Variants in ADCY1 observed in about 807,000 individuals in gnomAD.
The protein encoded by ADCY1 is adenylate cyclase 1.
ADCY1 carries 28 observed loss-of-function variants against 105.4 expected under a neutral mutation model. The ratio of observed to expected loss-of-function variants is 0.27; its 90% CI spans 0.20 to 0.36. The LOEUF is 0.36. Among genes scored for constraint, ADCY1 ranks in the 10% least tolerant of loss-of-function variants. The pLI is 1.00. For synonymous variants in ADCY1, 655 were observed against 623.8 expected, an observed-to-expected ratio of 1.05 and a Z score of -0.75; for missense variants, 977 against 1,434.2, an observed-to-expected ratio of 0.68 and a Z score of 5.15.
chr7:45,683,210 A>T (rs1039408240), intron 11 of ADCY1, among the ~76,000 whole-genome samples: 2 of 151,986 alleles, frequency 1.3e-5, no homozygotes, highest in Non-Finnish European at 1.5e-5. Flanking sequence ...TTTTTCACCC[A>T]CTTGGAGAGG....
chr7:45,692,527 G>A (rs936368726), intron 14 of ADCY1, among the ~76,000 whole-genome samples: 4 of 152,226 alleles, frequency 2.6e-5, no homozygotes, highest in African/African-American at 9.6e-5. Flanking sequence ...AGGCTTAAAG[G>A]ATGAGTAGGA....
intron 4 of ADCY1, among the ~76,000 whole-genome samples, chr7:45,644,114 G>A (rs765211735): frequency 8.5e-5 from 13 of 152,098 alleles, no homozygotes; most frequent in East Asian, 3.9e-4. Context: ...AGTCACTTTC[G>A]GGCAAAAACT....
At chr7:45,622,278 C>T (rs1188210502) in intron 3 of ADCY1, among the ~76,000 whole-genome samples, 3 of 152,068 alleles carry the variant, frequency 2.0e-5, no homozygotes, top group African/African-American at 7.2e-5. Context: ...TGCTCGGTGC[C>T]GCTGGCCACA....
At chr7:45,642,087 T>A (rs1333273603) in intron 4 of ADCY1, among the ~76,000 whole-genome samples, 1 of 152,096 alleles carries the variant, frequency 6.6e-6, no homozygotes, top group African/African-American at 2.4e-5. Context: ...GGAAGTTTAT[T>A]ACTCACAGCC....
chr7:45,632,124 A>T (rs1358600456), intron 4 of ADCY1, among the ~76,000 whole-genome samples: 1 of 152,196 alleles, frequency 6.6e-6, no homozygotes, highest in African/African-American at 2.4e-5. Flanking sequence ...TCACTTGTCC[A>T]TATGTAGTTG....
chr7:45,599,988 A>G (rs1169045166), intron 2 of ADCY1, among the ~76,000 whole-genome samples: 2 of 152,040 alleles, frequency 1.3e-5, no homozygotes, highest in South Asian at 2.1e-4. Flanking sequence ...GGTGGTGGCC[A>G]ACATGTGGCT....
rs778067978 is a variant in ADCY1 at position 45,622,616 on chromosome 7, C to T, written c.909-16C>T. 3 of 1,597,212 alleles carry T rather than the reference C, an allele frequency of 1.9e-6. No homozygotes were observed. Among genetic ancestry groups the T allele is most frequent in the Admixed American group, 1.7e-5 (1 of 59,984 alleles). Reference sequence around the variant, plus strand: ...TGACTGGGAGAAGGGCAGCCTGGCACCCCTTTCTCTTGCAGCATCCTGTTT... The same window carrying T: ...TGACTGGGAGAAGGGCAGCCTGGCATCCCTTTCTCTTGCAGCATCCTGTTT... On this transcript the variant is annotated splice_polypyrimidine_tract_variant and intron_variant, in intron 3 of 19. Transcript: ENST00000297323.
chr7:45,614,628 G>A (rs145812974), intron 3 of ADCY1, among the ~76,000 whole-genome samples: 236 of 152,170 alleles, frequency 1.6e-3, no homozygotes, highest in African/African-American at 5.2e-3. Context: ...CCAAAACCAA[G>A]CCTAACTATA....
intron 8 of ADCY1, among the ~76,000 whole-genome samples, chr7:45,664,910 C>T (rs1049340682): frequency 6.6e-6 from 1 of 152,122 alleles, no homozygotes; most frequent in African/African-American, 2.4e-5. Context: ...AGGTATTTGT[C>T]CTAATGCTCT....
rs147011611 is a variant in ADCY1 at position 45,628,388 on chromosome 7, G to A, written c.1020+5645G>A. Among the ~76,000 whole-genome samples, 373 of 152,330 alleles carry A rather than the reference G, an allele frequency of 2.4e-3. 3 individuals are homozygous for A. The highest frequency in any genetic ancestry group is 8.7e-3 in the African/African-American group (362 of 41,574). On this transcript the variant is annotated intron_variant, in intron 4 of 19. Coordinates refer to ENST00000297323, the MANE Select transcript of ADCY1 (RefSeq NM_021116.4). Reference sequence around the variant, plus strand: ...TCCTGCCCATGCTCTAGCCCCTCCAGACCCCTGCACAGTTTGTAATGGACA... The same window carrying A: ...TCCTGCCCATGCTCTAGCCCCTCCAAACCCCTGCACAGTTTGTAATGGACA...
chr7:45,599,934 T>A (rs1264478396), intron 2 of ADCY1, among the ~76,000 whole-genome samples: 1 of 152,232 alleles, frequency 6.6e-6, no homozygotes, highest in Non-Finnish European at 1.5e-5. Context: ...CCTTGCCACA[T>A]CTGTCTTTTT....
At chr7:45,639,088 A>G (rs1259221104) in intron 4 of ADCY1, among the ~76,000 whole-genome samples, 1 of 152,124 alleles carries the variant, frequency 6.6e-6, no homozygotes, top group East Asian at 1.9e-4. Flanking sequence ...AAAATTACAC[A>G]CAGCTACAGT....
rs188113577 is a variant in ADCY1, at chr7:45,619,075, C to T, written c.909-3557C>T. Among the ~76,000 whole-genome samples, 593 of 152,180 alleles carry T rather than the reference C, an allele frequency of 3.9e-3. 3 individuals are homozygous for T. The highest frequency in any genetic ancestry group is 0.024 in the Middle Eastern group (7 of 294). ...TCATTTGTGTCAACATGGGTGTTCC[C>T]AGGGGATGTTATATTAAGTGAAATA... On this transcript the variant is annotated intron_variant, in intron 3 of 19. Coordinates refer to ENST00000297323, the MANE Select transcript of ADCY1 (RefSeq NM_021116.4).
chr7:45,666,190 G>A (rs930011704), intron 8 of ADCY1, among the ~76,000 whole-genome samples: 1 of 151,886 alleles, frequency 6.6e-6, no homozygotes, highest in Admixed American at 6.6e-5. Flanking sequence ...CAATGTGCAG[G>A]TTAGTTACAT....
At chr7:45,634,170 G>A (rs1794336085) in intron 4 of ADCY1, among the ~76,000 whole-genome samples, 1 of 152,096 alleles carries the variant, frequency 6.6e-6, no homozygotes, top group African/African-American at 2.4e-5. Flanking sequence ...TCATCATGTT[G>A]TTTGCAAATG....
intron 11 of ADCY1, among the ~76,000 whole-genome samples, chr7:45,681,225 C>G (rs555662819): frequency 4.6e-4 from 70 of 152,362 alleles, no homozygotes; most frequent in Middle Eastern, 3.4e-3. Context: ...GAATTACCCC[C>G]CTTTTGTTAA....
intron 1 of ADCY1, among the ~76,000 whole-genome samples, chr7:45,582,774 C>T (rs1032089407): frequency 1.3e-5 from 2 of 152,204 alleles, no homozygotes; most frequent in South Asian, 2.1e-4. Context: ...TGTCCTCCTA[C>T]CCCATGTGTG....
intron 14 of ADCY1, among the ~76,000 whole-genome samples, chr7:45,689,284 C>T (rs140608648): frequency 1.3e-5 from 2 of 152,168 alleles, no homozygotes; most frequent in Non-Finnish European, 2.9e-5. Flanking sequence ...GGCATAAATA[C>T]ATCTGCATTA....
At chr7:45,677,791 C>A in intron 8 of ADCY1, 78 bp from the exon 9 acceptor site, 1 of 1,474,860 alleles carries the variant, frequency 6.8e-7, no homozygotes. Context: ...GCGGATCTGG[C>A]TGGAGGGAGA....
Sources: gnomAD v4.1 joint callset for allele counts (sites outside exome capture counted in the v4.1 genomes callset) on GRCh38, gnomAD v4.1.1 for gene constraint, MANE v1.5 for transcripts, NCBI Gene and HGNC (gene_info 2026-07-23, HGNC 2026-07-21) for gene names.